Variants in AMPD2 observed in about 807,000 individuals in gnomAD.
AMPD2 encodes the protein AMP deaminase 2.
In AMPD2, 52 loss-of-function variants were observed where a neutral mutation model predicts 91.3. The observed-to-expected ratio is 0.57, with a 90% CI of 0.46 to 0.72. The LOEUF is 0.72. Among genes scored for constraint, AMPD2 ranks in the 30% least tolerant of loss-of-function variants. The probability of loss-of-function intolerance (pLI) is 0.00; values close to 1 mark genes in which losing one functional copy is unlikely to be tolerated. For synonymous variants in AMPD2, 455 were observed against 456.4 expected (o/e 1.00, Z 0.04); for missense variants, 822 against 1,122.3 (o/e 0.73, Z 3.82).
intron 1 of AMPD2, 104 bp from the exon 2 acceptor site, chr1:109,620,810 G>A: frequency 7.4e-7 from 1 of 1,344,700 alleles, no homozygotes; most frequent in Non-Finnish European, 9.6e-7. Flanking sequence ...TTGCCCGGGA[G>A]CCCTGGCATG....
rs755867694 is a variant in AMPD2, at chr1:109,627,200, G to A, written c.744G>A (p.Leu248=). 7 of 1,613,562 alleles carry A rather than the reference G, an allele frequency of 4.3e-6. No homozygotes were observed. Among genetic ancestry groups the A allele is most frequent in the Non-Finnish European group, 5.9e-6 (7 of 1,179,860 alleles). ...ATGCCCCGGTGCACCCCCCTGCGCTGGAGCAGCACCCGTATGAGCACTGTG... is the reference window on the plus strand; with the variant it reads ...ATGCCCCGGTGCACCCCCCTGCGCTAGAGCAGCACCCGTATGAGCACTGTG... ...SADAPVHPPA[L]EQHPYEHCEP... is the part of the protein sequence containing the mutation. Residue 248 remains leucine, a synonymous_variant, in exon 8 of 19, where the codon CTG becomes CTA. Transcript: ENST00000528667.
Position 109,631,267 on chromosome 1 carries a change from C to A in AMPD2, c.*115C>A. Reference sequence around the variant, plus strand: ...TCCATTCTTCTCTGTCTCTGTCTTGCATGTCTCCTACCATGTCACTGTCCC... The same window carrying A: ...TCCATTCTTCTCTGTCTCTGTCTTGAATGTCTCCTACCATGTCACTGTCCC... On this transcript the variant is annotated 3_prime_UTR_variant, in exon 19 of 19. Coordinates refer to ENST00000528667, the MANE Select transcript of AMPD2 (RefSeq NM_001368809.2). The A allele has an allele frequency of 9.4e-7, 1 of 1,064,424 alleles. No homozygotes were observed. The highest frequency in any genetic ancestry group is 1.6e-5 in the African/African-American group (1 of 63,814). The allele number at this position is 1,064,424 out of a possible 1,614,324, so 65.9% of individuals were successfully genotyped here. A position where few individuals can be genotyped will look rare whatever the true frequency, so the allele number is the denominator to read the frequency against.
At chr1:109,627,060 G>A (rs1650750709) in intron 7 of AMPD2, 115 bp from the exon 8 acceptor site, 3 of 1,558,674 alleles carry the variant, frequency 1.9e-6, no homozygotes, top group East Asian at 2.3e-5. Context: ...GGTTGGGCAG[G>A]AGCTGTCTGA....
In AMPD2 at chr1:109,628,913, C is replaced by G; in HGVS notation, c.1571+107C>G. Reference sequence around the variant, plus strand: ...CTGAGCCTCCCTTGTCCCTGCCAACCCCTCTGAGTGCAAGGAAGGGCTTCC... The same window carrying G: ...CTGAGCCTCCCTTGTCCCTGCCAACGCCTCTGAGTGCAAGGAAGGGCTTCC... On this transcript the variant is annotated intron_variant, in intron 13 of 18. Transcript: ENST00000528667. This position sits in a 1 kb window ranked among gnomAD's most constrained non-coding sequence, Gnocchi z 7.1. 2 of 1,461,110 alleles carry G rather than the reference C, an allele frequency of 1.4e-6. No homozygotes were observed. The highest frequency in any genetic ancestry group is 1.8e-6 in the Non-Finnish European group (2 of 1,093,908). The allele number at this position is 1,461,110 out of a possible 1,614,324, so 90.5% of individuals were successfully genotyped here. A position where few individuals can be genotyped will look rare whatever the true frequency, so the allele number is the denominator to read the frequency against.
chr1:109,624,131 C>T lies in AMPD2; in HGVS notation c.92-1172C>T. The T allele has an allele frequency of 2.1e-6, 2 of 960,198 alleles. No homozygotes were observed. Among genetic ancestry groups the T allele is most frequent in the Non-Finnish European group, 2.5e-6 (2 of 806,870 alleles). 59.5% of individuals were successfully genotyped at this position (960,198 alleles called of 1,614,324 possible). Reference sequence around the variant, plus strand: ...GGCCGGGGTGCGCAGGGGACGGGGTCCTGGATCTGGGGCAGGCCCCTCCCT... The same window carrying T: ...GGCCGGGGTGCGCAGGGGACGGGGTTCTGGATCTGGGGCAGGCCCCTCCCT... On this transcript the variant is annotated intron_variant, in intron 2 of 18. Transcript: ENST00000528667. This position sits in a 1 kb window ranked among gnomAD's most constrained non-coding sequence, Gnocchi z 5.2.
chr1:109,624,224 G>A lies in AMPD2; in HGVS notation c.92-1079G>A. ...AAATGGGCGCAGAGACTTTAAGGCC[G>A]GCTACCTAGGCAGATCCTGTAATCC... On this transcript the variant is annotated intron_variant, in intron 2 of 18. Coordinates refer to ENST00000528667, the MANE Select transcript of AMPD2 (RefSeq NM_001368809.2). The surrounding 1 kb of genome is among the most constrained non-coding windows in gnomAD (Gnocchi z 5.2). 1.3e-5 allele frequency: 4 copies of A among 311,760 alleles called. No individual in the cohort carries two copies. The highest frequency in any genetic ancestry group is 2.2e-5 in the African/African-American group (1 of 44,454). 19.3% of individuals were successfully genotyped at this position (311,760 alleles called of 1,614,324 possible).
intron 2 of AMPD2, 140 bp downstream of exon 2, chr1:109,621,406 GACAGCCGGCTTGGAAGGT>G: frequency 1.4e-5 from 7 of 502,760 alleles, no homozygotes; most frequent in East Asian, 7.3e-5. Context: ...CAGTCCCAGG[GACAGCCGGCTTGGAAGGT>G]GGGGTGAGGG....
rs538388 is a variant in AMPD2 at position 109,631,583 on chromosome 1, C to T, written c.*431C>T. On this transcript the variant is annotated 3_prime_UTR_variant, in exon 19 of 19. Transcript: ENST00000528667. ...ATGTAGCCGAGGGGCAGGCGGGGGA[C>T]CTCTACACCTCTGCTGTGGGCACGG... is the stretch of plus-strand genomic sequence containing the variant. 0.15 allele frequency: 38,096 copies of T among 257,276 alleles called. 3,027 individuals are homozygous for T. The highest frequency in any genetic ancestry group is 0.16 in the Non-Finnish European group (21,204 of 130,092). The allele number at this position is 257,276 out of a possible 1,614,324, so 15.9% of individuals were successfully genotyped here.
In AMPD2 at chr1:109,624,014, A is replaced by C. The variant is rs1570580108; in HGVS notation, c.92-1289A>C. On this transcript the variant is annotated intron_variant, in intron 2 of 18. Transcript: ENST00000528667. This position sits in a 1 kb window ranked among gnomAD's most constrained non-coding sequence, Gnocchi z 5.2. ...TACAGCCTGTGCCAGCCCCTGAGGG[A>C]CCGGCTGCAGCTTCACTGGCAAACA... is the stretch of plus-strand genomic sequence containing the variant. 1 of 985,638 alleles carries C rather than the reference A, an allele frequency of 1.0e-6. No individual in the cohort carries two copies. The highest frequency in any genetic ancestry group is 1.2e-6 in the Non-Finnish European group (1 of 830,146). 61.1% of individuals were successfully genotyped at this position (985,638 alleles called of 1,614,324 possible).
In AMPD2 at chr1:109,625,166, C is replaced by T; in HGVS notation, c.92-137C>T. The T allele has an allele frequency of 4.0e-6, 5 of 1,237,816 alleles. No individual in the cohort carries two copies. The highest frequency in any genetic ancestry group is 5.6e-6 in the Non-Finnish European group (5 of 900,000). 76.7% of individuals were successfully genotyped at this position (1,237,816 alleles called of 1,614,324 possible). A position where few individuals can be genotyped will look rare whatever the true frequency, so the allele number is the denominator to read the frequency against. ...TTTGGGAGCCACACACACAGGCCTACTCCTCAGCTACTGAGGAGGGACTGC... is the reference window on the plus strand; with the variant it reads ...TTTGGGAGCCACACACACAGGCCTATTCCTCAGCTACTGAGGAGGGACTGC... On this transcript the variant is annotated intron_variant, in intron 2 of 18. Coordinates refer to ENST00000528667, the MANE Select transcript of AMPD2 (RefSeq NM_001368809.2). This position sits in a 1 kb window ranked among gnomAD's most constrained non-coding sequence, Gnocchi z 4.0.
Position 109,631,115 on chromosome 1 carries a change from AGGAGGCGGGTATCACCATGAGCCCAG to A in AMPD2, c.2444_2469del (p.Glu815AlafsTer55). 6.2e-7 allele frequency: 1 copy of A among 1,602,154 alleles called. No individual in the cohort carries two copies. Among genetic ancestry groups the A allele is most frequent in the East Asian group, 2.2e-5 (1 of 44,502 alleles). On this transcript the variant is annotated frameshift_variant, in exon 19 of 19. Coordinates refer to ENST00000528667, the MANE Select transcript of AMPD2 (RefSeq NM_001368809.2). LOFTEE classifies it high-confidence loss of function. ...AGTGAGATGCTGGAGACCATTCCAG[AGGAGGCGGGTATCACCATGAGCCCAG>A]GGCCTCAATGAGCCTGGTCCATGAA...
At chr1:109,629,613 T>A in intron 15 of AMPD2, 123 bp downstream of exon 15, 1 of 1,460,342 alleles carries the variant, frequency 6.8e-7, no homozygotes, top group South Asian at 1.3e-5. Context: ...GGATGGGTTC[T>A]TTCTCTGCCC....
chr1:109,631,255 G>A lies in AMPD2; in HGVS notation c.*103G>A. ...TCTCTGCATGTCTCCATTCTTCTCT[G>A]TCTCTGTCTTGCATGTCTCCTACCA... On this transcript the variant is annotated 3_prime_UTR_variant, in exon 19 of 19. Transcript: ENST00000528667. 1 of 1,172,838 alleles carries A rather than the reference G, an allele frequency of 8.5e-7. No homozygotes were observed. The highest frequency in any genetic ancestry group is 1.2e-6 in the Non-Finnish European group (1 of 812,598). 72.7% of individuals were successfully genotyped at this position (1,172,838 alleles called of 1,614,324 possible).
Position 109,621,275 on chromosome 1 carries a change from G to A in AMPD2, c.91+9G>A, listed in dbSNP as rs750556724. ...CTCCACTGCAGCTCCAGGTGAGTGT[G>A]TGCTTCCTGGCCTCAGGATAGATGC... is the stretch of plus-strand genomic sequence containing the variant. On this transcript the variant is annotated intron_variant, in intron 2 of 18. Transcript: ENST00000528667. 3.1e-6 allele frequency: 5 copies of A among 1,611,996 alleles called. No homozygotes were observed. The highest frequency in any genetic ancestry group is 4.5e-5 in the East Asian group (2 of 44,816).
rs1366836771 is a variant in AMPD2 at position 109,621,433 on chromosome 1, G to C, written c.91+167G>C. On this transcript the variant is annotated intron_variant, in intron 2 of 18. Transcript: ENST00000528667. ...CAGCCGGCTTGGAAGGTGGGGTGAG[G>C]GGTGGTGGGGGGCGGGGGGTGGATC... 7 of 687,446 alleles carry C rather than the reference G, an allele frequency of 1.0e-5. No individual in the cohort carries two copies. In the African/African-American group the frequency reaches 1.1e-4, roughly 11 times the overall value. The allele number at this position is 687,446 out of a possible 1,614,324, so 42.6% of individuals were successfully genotyped here. A position where few individuals can be genotyped will look rare whatever the true frequency, so the allele number is the denominator to read the frequency against.
intron 4 of AMPD2, 99 bp from the exon 5 acceptor site, chr1:109,626,061 A>G: frequency 2.2e-6 from 3 of 1,341,584 alleles, no homozygotes; most frequent in South Asian, 2.4e-5. Flanking sequence ...TGAGGATCAC[A>G]TGTGACAACA....
At position 109,627,288 on chromosome 1, in the gene AMPD2, G is replaced by A. The variant is rs770528852; in HGVS notation, c.832G>A (p.Val278Ile). 22 of 1,605,740 alleles carry A rather than the reference G, an allele frequency of 1.4e-5. No homozygotes were observed. The highest frequency in any genetic ancestry group is 1.7e-4 in the Middle Eastern group (1 of 6,044). Residue 278 changes from valine to isoleucine, a missense_variant, in exon 8 of 19, where the codon GTC (valine) becomes ATC (isoleucine). Transcript: ENST00000528667. ...GCGCATGGTGCGGGGTGTGGTGCAC[G>A]TCTACACCCGCAGGGAACCCGACGA... ...GLRMVRGVVH[V>I]YTRREPDEHC...
Position 109,628,612 on chromosome 1 carries a change from T to C in AMPD2, c.1408-31T>C. On this transcript the variant is annotated intron_variant, in intron 12 of 18. Coordinates refer to ENST00000528667, the MANE Select transcript of AMPD2 (RefSeq NM_001368809.2). This position sits in a 1 kb window ranked among gnomAD's most constrained non-coding sequence, Gnocchi z 7.1. ...CTGAAGAGCTCTGACTCAGCTCACC[T>C]CATGTCTGACTCAGCTCACCTCATG... 1 of 1,611,290 alleles carries C rather than the reference T, an allele frequency of 6.2e-7. No individual in the cohort carries two copies. Among genetic ancestry groups the C allele is most frequent in the Non-Finnish European group, 8.5e-7 (1 of 1,178,236 alleles).
Position 109,621,086 on chromosome 1 carries a change from G to A in AMPD2, c.-90G>A. On this transcript the variant is annotated 5_prime_UTR_variant, in exon 2 of 19. Coordinates refer to ENST00000528667, the MANE Select transcript of AMPD2 (RefSeq NM_001368809.2). The stretch of plus-strand genomic sequence containing the variant: ...CCTGCATCAGTCACTCCCGCTGGGG[G>A]CGGGGCGGAGGAAGGGGTTGGATGT... The A allele has an allele frequency of 1.9e-6, 3 of 1,609,628 alleles. No individual in the cohort carries two copies. Among genetic ancestry groups the A allele is most frequent in the Non-Finnish European group, 2.5e-6 (3 of 1,178,638 alleles).
Sources: allele counts gnomAD v4.1 joint callset, GRCh38; gene constraint gnomAD v4.1.1; non-coding constraint Gnocchi (gnomAD v3.1); transcripts MANE v1.5; gene names NCBI Gene and HGNC (gene_info 2026-07-23, HGNC 2026-07-21).